MGST1: variants seen among roughly 807,000 people sequenced by gnomAD.
MGST1 encodes the protein microsomal glutathione S-transferase 1, also known as glutathione S-transferase 12.
Under a neutral mutation model 8.9 loss-of-function variants are expected in MGST1, and 5 were observed. That is an observed-to-expected ratio of 0.56 (90% CI 0.29 to 1.19). The LOEUF (loss-of-function observed/expected upper bound fraction) is 1.19, where lower values mean the gene tolerates loss of function less well. Ranked by LOEUF, MGST1 falls within the 50% of genes most tolerant of loss-of-function variation. The pLI, the probability that MGST1 is intolerant of heterozygous loss-of-function variation, is 0.08. For synonymous variants in MGST1, 54 were observed against 67.8 expected (o/e 0.80, Z 1.00); for missense variants, 182 against 187.4 (o/e 0.97, Z 0.17).
intron 4 of MGST1, among the ~76,000 whole-genome samples, chr12:16,543,249 C>G (rs1167739837): frequency 6.6e-6 from 1 of 152,038 alleles, no homozygotes; most frequent in Non-Finnish European, 1.5e-5. Flanking sequence ...AGAGGCTTCC[C>G]CAGTATAAAT....
Position 16,401,609 on chromosome 12 carries a change from G to T in MGST1, n.778+18005G>T. On this transcript the variant is annotated intron_variant and non_coding_transcript_variant, in intron 1 of 1. Transcript: ENST00000359720. The surrounding 1 kb of genome is among the most constrained non-coding windows in gnomAD (Gnocchi z 4.3). ...CGAAGCGAATACCCATGGCACAAGT[G>T]ATAGCCCCAAAATACATGTGATTCT... is the stretch of plus-strand genomic sequence containing the variant. 6.5e-7 allele frequency: 1 copy of T among 1,532,338 alleles called. No individual in the cohort carries two copies. Among genetic ancestry groups the T allele is most frequent in the Non-Finnish European group, 9.0e-7 (1 of 1,105,632 alleles). The allele number at this position is 1,532,338 out of a possible 1,614,324, so 94.9% of individuals were successfully genotyped here. A position where few individuals can be genotyped will look rare whatever the true frequency, so the allele number is the denominator to read the frequency against.
intron 4 of MGST1, among the ~76,000 whole-genome samples, chr12:16,542,247 C>G (rs926746059): frequency 1.3e-5 from 2 of 151,962 alleles, no homozygotes; most frequent in African/African-American, 4.8e-5. Context: ...AAATAGAAAC[C>G]CTTTGATTAG....
intron 4 of MGST1, among the ~76,000 whole-genome samples, chr12:16,566,833 G>T (rs1942632435): frequency 6.6e-6 from 1 of 151,882 alleles, no homozygotes; most frequent in African/African-American, 2.4e-5. Flanking sequence ...CACATAATAG[G>T]CAGATACTAC....
chr12:16,509,879 G>A (rs975731328), intron 4 of MGST1, among the ~76,000 whole-genome samples: 7 of 152,134 alleles, frequency 4.6e-5, no homozygotes, highest in Non-Finnish European at 8.8e-5. Context: ...CTGGTCGCAA[G>A]GAGACAGTAT....
Position 16,586,081 on chromosome 12 carries a change from TA to T in MGST1, n.483-3442del, listed in dbSNP as rs1341709879. On this transcript the variant is annotated intron_variant and non_coding_transcript_variant, in intron 4 of 4. Coordinates refer to the MGST1 transcript ENST00000538857. The surrounding 1 kb of genome is among the most constrained non-coding windows in gnomAD (Gnocchi z 4.3). ...AGCAAAACCTTGATGTACAATTCCA[TA>T]AAAATTTTTGAGGGGCCAAAACAAT... Among the ~76,000 whole-genome samples, 1 of 152,070 alleles carries T rather than the reference TA, an allele frequency of 6.6e-6. No homozygotes were observed. The highest frequency in any genetic ancestry group is 2.4e-5 in the African/African-American group (1 of 41,408).
chr12:16,400,799 A>G (rs373238355), intron 1 of MGST1: 1 of 1,236,156 alleles, frequency 8.1e-7, no homozygotes, highest in Non-Finnish European at 1.2e-6. Context: ...AATGCCAAAC[A>G]CAGGCATTAT....
chr12:16,584,793 C>T lies in MGST1; in HGVS notation n.483-4735C>T, dbSNP rs1324879212. The stretch of plus-strand genomic sequence containing the variant: ...CCAAGACTCCTTGTTAGGCTGAAAG[C>T]TCCCAGGAGATTTCTGAAGCAGGAG... On this transcript the variant is annotated intron_variant and non_coding_transcript_variant, in intron 4 of 4. Coordinates refer to the MGST1 transcript ENST00000538857. This position sits in a 1 kb window ranked among gnomAD's most constrained non-coding sequence, Gnocchi z 5.2. Among the ~76,000 whole-genome samples the T allele has an allele frequency of 1.3e-5, 2 of 152,304 alleles. No individual in the cohort carries two copies. The highest frequency in any genetic ancestry group is 6.5e-5 in the Admixed American group (1 of 15,294).
rs34395 is a variant in MGST1, at chr12:16,466,962, C to T, written n.482+83358C>T. Among the ~76,000 whole-genome samples the T allele has an allele frequency of 7.7e-3, 1,164 of 152,154 alleles. 16 individuals carry two copies. Among genetic ancestry groups the T allele is most frequent in the African/African-American group, 0.026 (1,085 of 41,500 alleles). ...TAACTTATAAAAGGCAGTCTGACCC[C>T]GAGACTTCATAGCAGGTAGCAGATG... is the stretch of plus-strand genomic sequence containing the variant. On this transcript the variant is annotated intron_variant and non_coding_transcript_variant, in intron 4 of 4. Coordinates refer to the MGST1 transcript ENST00000538857.
rs1319045270 is a variant in MGST1 at position 16,497,115 on chromosome 12, A to G, written n.483-92413A>G. On this transcript the variant is annotated intron_variant and non_coding_transcript_variant, in intron 4 of 4. Coordinates refer to the MGST1 transcript ENST00000538857. The surrounding 1 kb of genome is among the most constrained non-coding windows in gnomAD (Gnocchi z 4.4). ...AATATTTAATCCTATGCCAGAAGGG[A>G]AAAGATGAGAACCACTGAATCTGCA... Among the ~76,000 whole-genome samples the G allele has an allele frequency of 6.6e-6, 1 of 152,154 alleles. No homozygotes were observed. The highest frequency in any genetic ancestry group is 1.5e-5 in the Non-Finnish European group (1 of 68,008).
In MGST1 at chr12:16,560,680, T is replaced by C; in HGVS notation, n.483-28848T>C. 1 of 692,368 alleles carries C rather than the reference T, an allele frequency of 1.4e-6. No individual in the cohort carries two copies. The highest frequency in any genetic ancestry group is 2.5e-6 in the Non-Finnish European group (1 of 406,680). 42.9% of individuals were successfully genotyped at this position (692,368 alleles called of 1,614,324 possible). A position where few individuals can be genotyped will look rare whatever the true frequency, so the allele number is the denominator to read the frequency against. On this transcript the variant is annotated intron_variant and non_coding_transcript_variant, in intron 4 of 4. Coordinates refer to the MGST1 transcript ENST00000538857. This position sits in a 1 kb window ranked among gnomAD's most constrained non-coding sequence, Gnocchi z 5.0. Reference sequence around the variant, plus strand: ...ACACAAGTGGATTTTATCCTAGGTGTATGCATAAATATTCTTCTGCAATAT... The same window carrying C: ...ACACAAGTGGATTTTATCCTAGGTGCATGCATAAATATTCTTCTGCAATAT...
At chr12:16,564,013 G>A (rs1942497721) in intron 4 of MGST1, among the ~76,000 whole-genome samples, 1 of 152,044 alleles carries the variant, frequency 6.6e-6, no homozygotes, top group South Asian at 2.1e-4. Context: ...TCCAAAAGTA[G>A]GCTTATAATG....
At chr12:16,350,167 G>T (rs1036634605) in intron 1 of MGST1, among the ~76,000 whole-genome samples, 2 of 152,184 alleles carry the variant, frequency 1.3e-5, no homozygotes, top group East Asian at 3.9e-4. Context: ...CTTACTAAGT[G>T]GCAGGGTCGA....
At position 16,427,601 on chromosome 12, in the gene MGST1, C is replaced by T. The variant is rs146079233; in HGVS notation, n.779-9787C>T. ...TTCACCATGTTGGCTAGGATGGTCT[C>T]GAACTTCTGGCCTCAAGTGATCCGC... On this transcript the variant is annotated intron_variant and non_coding_transcript_variant, in intron 1 of 1. Transcript: ENST00000359720. 6.0e-3 allele frequency among the ~76,000 whole-genome samples: 911 copies of T among 152,208 alleles called. 7 individuals are homozygous for T. The highest frequency in any genetic ancestry group is 0.013 in the South Asian group (64 of 4,816).
intron 4 of MGST1, among the ~76,000 whole-genome samples, chr12:16,474,730 A>G (rs990938197): frequency 6.6e-6 from 1 of 152,212 alleles, no homozygotes; most frequent in Non-Finnish European, 1.5e-5. Context: ...TTTTTGAACG[A>G]GAGCAATAAC....
intron 4 of MGST1, among the ~76,000 whole-genome samples, chr12:16,478,639 T>A (rs1463823849): frequency 1.3e-5 from 2 of 151,984 alleles, no homozygotes; most frequent in Non-Finnish European, 2.9e-5. Context: ...TTTTTTTAAT[T>A]TCAGAAAGTG....
intron 4 of MGST1, among the ~76,000 whole-genome samples, chr12:16,542,002 C>T (rs544888279): frequency 1.3e-5 from 2 of 152,196 alleles, no homozygotes; most frequent in South Asian, 4.2e-4. Flanking sequence ...GCTGCAGTGG[C>T]CCCCAAATCA....
At chr12:16,366,768 G>A (rs1484655037), downstream of MGST1, among the ~76,000 whole-genome samples, 1 of 151,570 alleles carries the variant, frequency 6.6e-6, no homozygotes, top group Non-Finnish European at 1.5e-5. The surrounding 1 kb of genome is among the most constrained non-coding windows in gnomAD (Gnocchi z 4.0). Flanking sequence ...CTTCATTCAG[G>A]CCTTGTTCTG....
chr12:16,399,996 G>C, intron 1 of MGST1: 1 of 1,472,972 alleles, frequency 6.8e-7, no homozygotes, highest in Non-Finnish European at 9.5e-7. Flanking sequence ...AGGTACTCCT[G>C]TAGGGAGCTC....
chr12:16,365,743 G>GCACACA (rs769759439), downstream of MGST1, among the ~76,000 whole-genome samples: 3 of 100,374 alleles, frequency 3.0e-5, no homozygotes, highest in Admixed American at 2.0e-4. Flanking sequence ...GCGTGCACGC[G>GCACACA]CACACACACA....
Sources: allele counts gnomAD v4.1 joint callset (sites outside exome capture counted in the v4.1 genomes callset), GRCh38; gene constraint gnomAD v4.1.1; non-coding constraint Gnocchi (gnomAD v3.1); transcripts MANE v1.5; gene names NCBI Gene and HGNC (gene_info 2026-07-23, HGNC 2026-07-21).